The following PLEKHG3 variants were observed in gnomAD, a reference collection of about 807,000 sequenced individuals.
The protein encoded by PLEKHG3 is pleckstrin homology and RhoGEF domain containing G3.
A neutral mutation model predicts 94.9 loss-of-function variants in PLEKHG3; 62 were observed. That is an observed-to-expected ratio of 0.65 (90% CI 0.53 to 0.81). The LOEUF (loss-of-function observed/expected upper bound fraction) is 0.81. Ranked by LOEUF, PLEKHG3 falls within the 30% of genes least tolerant of loss-of-function variation. The pLI is 0.00. For synonymous variants in PLEKHG3, 614 were observed against 654.0 expected (o/e 0.94, Z 0.93); for missense variants, 1,461 against 1,619.3 (o/e 0.90, Z 1.68).
Position 64,716,025 on chromosome 14 carries a change from GA to G in PLEKHG3, c.-40+11322del. 2.2e-6 allele frequency: 1 copy of G among 456,230 alleles called. No individual in the cohort carries two copies. The allele number at this position is 456,230 out of a possible 1,614,324, so 28.3% of individuals were successfully genotyped here. On this transcript the variant is annotated intron_variant, in intron 1 of 16. Transcript: ENST00000247226. This position sits in a 1 kb window ranked among gnomAD's most constrained non-coding sequence, Gnocchi z 5.0. ...TAACTGCTAGGTTGCCGGTGCTGGG[GA>G]CAATGCGGCTGCCCGGCCCCTCGCC...
chr14:64,736,921 A>C, intron 13 of PLEKHG3, 30 bp downstream of exon 13: 1 of 1,585,946 alleles, frequency 6.3e-7, no homozygotes, highest in Non-Finnish European at 8.7e-7. Flanking sequence ...AGCCATTCCC[A>C]GTGAGCGGGG....
chr14:64,749,648 G>A lies in PLEKHG3; in HGVS notation c.*5945G>A, dbSNP rs369634684. 13 of 1,613,474 alleles carry A rather than the reference G, an allele frequency of 8.1e-6. No individual in the cohort carries two copies. The highest frequency in any genetic ancestry group is 1.6e-4 in the Middle Eastern group (1 of 6,084). On this transcript the variant is annotated 3_prime_UTR_variant, in exon 17 of 17. Transcript: ENST00000247226. The surrounding 1 kb of genome is among the most constrained non-coding windows in gnomAD (Gnocchi z 4.7). ...GCCAGGTCTGGGCTAGGCTGCCCGCGCTTACCTCATCCTTGCCATGGAAGA... is the reference window on the plus strand; with the variant it reads ...GCCAGGTCTGGGCTAGGCTGCCCGCACTTACCTCATCCTTGCCATGGAAGA...
chr14:64,713,876 C>T (rs1170227026), intron 1 of PLEKHG3, among the ~76,000 whole-genome samples: 2 of 151,848 alleles, frequency 1.3e-5, no homozygotes, highest in Middle Eastern at 3.4e-3. Flanking sequence ...TTAACTAATT[C>T]TCTCTTTAGC....
rs1361655994 is a variant in PLEKHG3, at chr14:64,738,674, G to A, written c.1405-68G>A. The A allele has an allele frequency of 7.9e-6, 9 of 1,136,590 alleles. No individual in the cohort carries two copies. Among genetic ancestry groups the A allele is most frequent in the South Asian group, 2.6e-5 (2 of 75,538 alleles). 70.4% of individuals were successfully genotyped at this position (1,136,590 alleles called of 1,614,324 possible). ...CCTTGGGGCGTGGGAGGCACTGCCC[G>A]TGTTGGGATGCAGAAGGGATCAGCT... is the stretch of plus-strand genomic sequence containing the variant. On this transcript the variant is annotated intron_variant, in intron 14 of 16. Transcript: ENST00000247226. This position sits in a 1 kb window ranked among gnomAD's most constrained non-coding sequence, Gnocchi z 4.8.
chr14:64,722,882 C>T lies in PLEKHG3; in HGVS notation c.-39-4711C>T, dbSNP rs2081288145. ...CAGAGACACAGAGTTCCAGAAGGCT[C>T]CCCGTAATCCTGTGGGATAGGGGAG... On this transcript the variant is annotated intron_variant, in intron 1 of 16. Coordinates refer to ENST00000247226, the MANE Select transcript of PLEKHG3 (RefSeq NM_001308147.2). The surrounding 1 kb of genome is among the most constrained non-coding windows in gnomAD (Gnocchi z 4.3). 6.6e-6 allele frequency among the ~76,000 whole-genome samples: 1 copy of T among 152,208 alleles called. No individual in the cohort carries two copies. The highest frequency in any genetic ancestry group is 2.4e-5 in the African/African-American group (1 of 41,466).
intron 1 of PLEKHG3, among the ~76,000 whole-genome samples, chr14:64,706,249 T>TG (rs892114303): frequency 2.6e-5 from 4 of 152,130 alleles, no homozygotes; most frequent in East Asian, 1.9e-4. Context: ...TCACTTGGGC[T>TG]GGGGGGCCCC....
intron 1 of PLEKHG3, among the ~76,000 whole-genome samples, chr14:64,706,774 G>T (rs1566687957): frequency 6.6e-6 from 1 of 152,274 alleles, no homozygotes; most frequent in Non-Finnish European, 1.5e-5. Context: ...CGGCCTGCGG[G>T]ATGACCAGGG....
intron 14 of PLEKHG3, chr14:64,737,782 C>A: frequency 4.2e-6 from 3 of 717,164 alleles, no homozygotes; most frequent in South Asian, 2.1e-5. Context: ...TGTGTGAAGG[C>A]TCCCCCCCCG....
At position 64,721,674 on chromosome 14, in the gene PLEKHG3, C is replaced by G. The variant is rs142526418; in HGVS notation, c.-39-5919C>G. Among the ~76,000 whole-genome samples the G allele has an allele frequency of 2.0e-5, 3 of 152,100 alleles. No homozygotes were observed. The highest frequency in any genetic ancestry group is 7.2e-5 in the African/African-American group (3 of 41,440). On this transcript the variant is annotated intron_variant, in intron 1 of 16. Coordinates refer to ENST00000247226, the MANE Select transcript of PLEKHG3 (RefSeq NM_001308147.2). The surrounding 1 kb of genome is among the most constrained non-coding windows in gnomAD (Gnocchi z 4.3). ...TCACTCCCCGGGGAGCCTTCTCTCGCGCTTTATTACGGTGCTCAGGGCTGC... is the reference window on the plus strand; with the variant it reads ...TCACTCCCCGGGGAGCCTTCTCTCGGGCTTTATTACGGTGCTCAGGGCTGC...
At position 64,746,532 on chromosome 14, in the gene PLEKHG3, C is replaced by T. The variant is rs1309980907; in HGVS notation, c.*2829C>T. The T allele has an allele frequency of 6.6e-6, 1 of 152,656 alleles. No individual in the cohort carries two copies. The highest frequency in any genetic ancestry group is 1.5e-5 in the Non-Finnish European group (1 of 68,082). 9.5% of individuals were successfully genotyped at this position (152,656 alleles called of 1,614,324 possible). On this transcript the variant is annotated 3_prime_UTR_variant, in exon 17 of 17. Coordinates refer to ENST00000247226, the MANE Select transcript of PLEKHG3 (RefSeq NM_001308147.2). This position sits in a 1 kb window ranked among gnomAD's most constrained non-coding sequence, Gnocchi z 4.9. ...TCCTCCTCTGGATTCCTGCCCCCCT[C>T]CCATGAAGGGAGGAAGAGGATTCAG... is the stretch of plus-strand genomic sequence containing the variant.
chr14:64,742,370 G>A lies in PLEKHG3; in HGVS notation c.2853G>A (p.Trp951Ter). ...TGATGGCCAGGCCACCACTGCAGTGGGAAAAGGTGGCCCCTGAGAGGGATG... is the reference window on the plus strand; with the variant it reads ...TGATGGCCAGGCCACCACTGCAGTGAGAAAAGGTGGCCCCTGAGAGGGATG... ...KPVMARPPLQ[W>*]EKVAPERDGK... Residue 951 changes from tryptophan to a stop codon, truncating the protein, a stop_gained, in exon 16 of 17, where the codon TGG becomes TGA. Transcript: ENST00000247226. LOFTEE classifies it high-confidence loss of function. 6.2e-7 allele frequency: 1 copy of A among 1,613,032 alleles called. No individual in the cohort carries two copies. Among genetic ancestry groups the A allele is most frequent in the Non-Finnish European group, 8.5e-7 (1 of 1,180,022 alleles).
At chr14:64,737,955 G>A in intron 14 of PLEKHG3, 1 of 1,235,338 alleles carries the variant, frequency 8.1e-7, no homozygotes, top group Non-Finnish European at 1.0e-6. Context: ...CCAGGAGGAG[G>A]AAGAGGAAGA....
rs150260706 is a variant in PLEKHG3, at chr14:64,731,442, G to T, written c.931G>T (p.Val311Leu). Residue 311 changes from valine to leucine, a missense_variant, in exon 8 of 17, where the codon GTG becomes TTG. Coordinates refer to ENST00000247226, the MANE Select transcript of PLEKHG3 (RefSeq NM_001308147.2). This position sits in a 1 kb window ranked among gnomAD's most constrained non-coding sequence, Gnocchi z 6.1. The stretch of plus-strand genomic sequence containing the variant: ...GCTTGTCCTGGAGGGCACATTCCGC[G>T]TGCATCGCGTGCGCAATGAAAGGAC... ...GELVLEGTFR[V>L]HRVRNERTFF... 1.2e-6 allele frequency: 2 copies of T among 1,613,178 alleles called. No homozygotes were observed. The highest frequency in any genetic ancestry group is 1.7e-5 in the Admixed American group (1 of 60,024).
In PLEKHG3 at chr14:64,737,304, C is replaced by T. The variant is rs745442165; in HGVS notation, c.1385-52C>T. 1.3e-5 allele frequency: 19 copies of T among 1,464,458 alleles called. No homozygotes were observed. The South Asian group carries it at 2.1e-4, about 16-fold the overall frequency. The allele number at this position is 1,464,458 out of a possible 1,614,324, so 90.7% of individuals were successfully genotyped here. A position where few individuals can be genotyped will look rare whatever the true frequency, so the allele number is the denominator to read the frequency against. On this transcript the variant is annotated intron_variant, in intron 13 of 16. Transcript: ENST00000247226. ...CCTGCTTACTGATCTCTTCCCCTCC[C>T]CTCCCCTGCCCCTCGCCCGTGTGCT...
intron 12 of PLEKHG3, 125 bp downstream of exon 12, chr14:64,733,026 C>T (rs529493193): frequency 2.5e-5 from 16 of 636,342 alleles, no homozygotes; most frequent in Middle Eastern, 4.1e-4. Context: ...AAGGCTAGAG[C>T]GGGGCTGGAC....
rs757277126 is a variant in PLEKHG3 at position 64,741,113 on chromosome 14, T to C, written c.1596T>C (p.Pro532=). ...AAGGGCCCAGTGCCGAGGAGACGCC[T>C]TCAGACACAGAATCTCCAGAAGTCC... is the stretch of plus-strand genomic sequence containing the variant. ...AVEGPSAEET[P]SDTESPEVLE... The change falls in exon 16 of 17, where the codon CCT becomes CCC. Residue 532 remains proline, a synonymous_variant. Coordinates refer to ENST00000247226, the MANE Select transcript of PLEKHG3 (RefSeq NM_001308147.2). The C allele has an allele frequency of 6.2e-7, 1 of 1,614,006 alleles. No individual in the cohort carries two copies. Among genetic ancestry groups the C allele is most frequent in the South Asian group, 1.1e-5 (1 of 91,080 alleles).
chr14:64,741,008 C>T (rs1291713797), intron 15 of PLEKHG3, 28 bp from the exon 16 acceptor site: 7 of 1,529,312 alleles, frequency 4.6e-6, no homozygotes, highest in Non-Finnish European at 6.2e-6. Flanking sequence ...GCTTTTTACT[C>T]ATGTGAGCCT....
Position 64,739,049 on chromosome 14 carries a change from C to T in PLEKHG3, c.1518+194C>T, listed in dbSNP as rs2081633256. ...TATATGGTTTGGTGAGCAGACCACCCCTTTCTATGAAGTAGAGAAAGGCTC... is the reference window on the plus strand; with the variant it reads ...TATATGGTTTGGTGAGCAGACCACCTCTTTCTATGAAGTAGAGAAAGGCTC... On this transcript the variant is annotated intron_variant, in intron 15 of 16. Coordinates refer to ENST00000247226, the MANE Select transcript of PLEKHG3 (RefSeq NM_001308147.2). This position sits in a 1 kb window ranked among gnomAD's most constrained non-coding sequence, Gnocchi z 4.1. Among the ~76,000 whole-genome samples the T allele has an allele frequency of 6.6e-6, 1 of 152,180 alleles. No individual in the cohort carries two copies. The highest frequency in any genetic ancestry group is 1.5e-5 in the Non-Finnish European group (1 of 68,022).
At chr14:64,740,536 C>G (rs1220330043) in intron 15 of PLEKHG3, among the ~76,000 whole-genome samples, 1 of 152,224 alleles carries the variant, frequency 6.6e-6, no homozygotes, top group East Asian at 1.9e-4. Flanking sequence ...ATGGGAGGCC[C>G]TGTCCCCTGA....
Sources: gnomAD v4.1 joint callset for allele counts (sites outside exome capture counted in the v4.1 genomes callset) on GRCh38, gnomAD v4.1.1 for gene constraint, Gnocchi (gnomAD v3.1) non-coding constraint, MANE v1.5 for transcripts, NCBI Gene and HGNC (gene_info 2026-07-23, HGNC 2026-07-21) for gene names.